The following RHOBTB2 variants were observed in gnomAD, a reference collection of about 807,000 sequenced individuals.
The protein encoded by RHOBTB2 is Rho related BTB domain containing 2, also known as rho-related BTB domain-containing protein 2.
Under a neutral mutation model 66.5 loss-of-function variants are expected in RHOBTB2, and 39 were observed. That is an observed-to-expected ratio of 0.59 (90% CI 0.45 to 0.77). RHOBTB2 has a LOEUF of 0.77. RHOBTB2 is among the 30% of genes least tolerant of loss of function. RHOBTB2 has a pLI of 0.00. For synonymous variants in RHOBTB2, 390 were observed against 395.0 expected, an observed-to-expected ratio of 0.99 and a Z score of 0.15; for missense variants, 755 against 999.1, an observed-to-expected ratio of 0.76 and a Z score of 3.29.
At position 23,006,854 on chromosome 8, in the gene RHOBTB2, C is replaced by T; in HGVS notation, c.609C>T (p.Ala203=). ...QFGIKDVFDN[A]IRAALISRRH... ...GCATCAAGGACGTCTTTGACAACGC[C>T]ATCCGAGCTGCACTCATCTCCCGCC... The change falls in exon 5 of 10, where the codon GCC becomes GCT. Residue 203 remains alanine, a synonymous_variant. Transcript: ENST00000251822. The surrounding 1 kb of genome is among the most constrained non-coding windows in gnomAD (Gnocchi z 6.1). The T allele has an allele frequency of 6.2e-7, 1 of 1,614,104 alleles. No homozygotes were observed. The highest frequency in any genetic ancestry group is 1.3e-5 in the African/African-American group (1 of 75,022).
the RHOBTB2 span, among the ~76,000 whole-genome samples, chr8:22,955,687 A>G: frequency 6.7e-6 from 1 of 148,972 alleles, no homozygotes; most frequent in Non-Finnish European, 1.5e-5. Context: ...CTCCCACCTC[A>G]GCTTCCCAAA....
chr8:22,979,680 A>C, the RHOBTB2 span, among the ~76,000 whole-genome samples: 3 of 150,058 alleles, frequency 2.0e-5, no homozygotes. Flanking sequence ...TCTTGAGCCA[A>C]ATTATGGGAA....
At chr8:22,964,174 C>A in the RHOBTB2 span, among the ~76,000 whole-genome samples, 1 of 151,902 alleles carries the variant, frequency 6.6e-6, no homozygotes, top group Non-Finnish European at 1.5e-5. Flanking sequence ...TTGCAAGAAC[C>A]GCACAGGAAA....
intron 8 of RHOBTB2, among the ~76,000 whole-genome samples, chr8:23,015,306 TGGA>T (rs1811258819): frequency 6.6e-6 from 1 of 151,972 alleles, no homozygotes; most frequent in South Asian, 2.1e-4. Flanking sequence ...ATCCCAGATG[TGGA>T]GGAGAGAGAA....
At position 23,004,509 on chromosome 8, in the gene RHOBTB2, G is replaced by A; in HGVS notation, c.75G>A (p.Val25=). The A allele has an allele frequency of 6.2e-7, 1 of 1,614,218 alleles. No homozygotes were observed. Among genetic ancestry groups the A allele is most frequent in the Non-Finnish European group, 8.5e-7 (1 of 1,180,040 alleles). Residue 25 remains valine (V), a synonymous_variant, in exon 2 of 10, where the codon GTG becomes GTA. Coordinates refer to ENST00000251822, the MANE Select transcript of RHOBTB2 (RefSeq NM_015178.3). This position sits in a 1 kb window ranked among gnomAD's most constrained non-coding sequence, Gnocchi z 6.4. ...GCGTTGTGGTGGGGGACAACGCCGT[G>A]GGTAAGACCAGGCTCATCTGTGCCC... ...IKCVVVGDNA[V]GKTRLICARA...
In RHOBTB2 at chr8:23,006,957, C is replaced by A. The variant is rs1810973576; in HGVS notation, c.712C>A (p.Pro238Thr). ...LLQAPFLPPK[P>T]PPPIIVVPDP... ...GCAGGCACCCTTCCTACCCCCCAAG[C>A]CACCGCCCCCGATCATCGTGGTGCC... The change falls in exon 5 of 10, where the codon CCA (proline) becomes ACA (threonine). Residue 238 changes from proline to threonine, a missense_variant. By Grantham distance (38) the Pro-to-Thr change is conservative. Transcript: ENST00000251822. This position sits in a 1 kb window ranked among gnomAD's most constrained non-coding sequence, Gnocchi z 6.1. 6.2e-7 allele frequency: 1 copy of A among 1,611,914 alleles called. No homozygotes were observed. The highest frequency in any genetic ancestry group is 2.2e-5 in the East Asian group (1 of 44,878).
At chr8:23,008,587 C>T (rs565077186) in intron 6 of RHOBTB2, among the ~76,000 whole-genome samples, 3 of 151,954 alleles carry the variant, frequency 2.0e-5, no homozygotes, top group Non-Finnish European at 4.4e-5. Flanking sequence ...TAGAGAGGCC[C>T]ACAGATTGCA....
intron 3 of RHOBTB2, 133 bp downstream of exon 3, chr8:23,005,608 A>G (rs1795996254): frequency 2.9e-6 from 2 of 698,682 alleles, no homozygotes; most frequent in Non-Finnish European, 5.0e-6. Flanking sequence ...GCAGAGCCTC[A>G]TGGGGGCTGG....
At chr8:22,989,186 C>T (rs542209689) in intron 1 of RHOBTB2, among the ~76,000 whole-genome samples, 2 of 152,234 alleles carry the variant, frequency 1.3e-5, no homozygotes, top group African/African-American at 4.8e-5. Context: ...CTCTCTGTGT[C>T]GCCCAGGCTG....
At chr8:22,951,089 A>G in the RHOBTB2 span, among the ~76,000 whole-genome samples, 1 of 152,064 alleles carries the variant, frequency 6.6e-6, no homozygotes, top group Non-Finnish European at 1.5e-5. Context: ...TGCCCAAATA[A>G]TTTCCTCTTA....
At chr8:22,973,657 G>A in the RHOBTB2 span, among the ~76,000 whole-genome samples, 1 of 152,172 alleles carries the variant, frequency 6.6e-6, no homozygotes, top group Non-Finnish European at 1.5e-5. Flanking sequence ...ATCACTGAAT[G>A]AATGGAGAAA....
chr8:22,979,730 T>G, the RHOBTB2 span, among the ~76,000 whole-genome samples: 12 of 137,408 alleles, frequency 8.7e-5, no homozygotes, highest in African/African-American at 3.0e-4. Flanking sequence ...TTTCTTTTCT[T>G]TTCTTTTCTT....
rs755306382 is a variant in RHOBTB2 at position 23,007,521 on chromosome 8, T to C, written c.1276T>C (p.Phe426Leu). The change falls in exon 5 of 10, where the codon TTC (phenylalanine) becomes CTC (leucine). Residue 426 changes from phenylalanine (F) to leucine (L), a missense_variant. Around this residue, in one of 7 missense-constraint regions of RHOBTB2, gnomAD observed 353 missense variants for 458.2 expected, o/e 0.77. Coordinates refer to ENST00000251822, the MANE Select transcript of RHOBTB2 (RefSeq NM_015178.3). Reference sequence around the variant, plus strand: ...GGACAGTTCCATCCAGCCGGGGCCCTTCCGGGCTGTCCTCAAGTACCTGTA... The same window carrying C: ...GGACAGTTCCATCCAGCCGGGGCCCCTCCGGGCTGTCCTCAAGTACCTGTA... ...KMDSSIQPGPFRAVLKYLYTG... is the reference protein window; with the variant it reads ...KMDSSIQPGPLRAVLKYLYTG... The C allele has an allele frequency of 1.2e-6, 2 of 1,614,048 alleles. No homozygotes were observed. The highest frequency in any genetic ancestry group is 2.2e-5 in the South Asian group (2 of 91,072).
upstream of RHOBTB2, among the ~76,000 whole-genome samples, chr8:22,997,647 C>T (rs573551546): frequency 2.5e-3 from 381 of 152,302 alleles, 2 homozygotes; most frequent in Non-Finnish European, 3.4e-3. Flanking sequence ...CCCTCTCCTG[C>T]TTCATGACTT....
At chr8:22,998,840 C>T (rs1389541343), upstream of RHOBTB2, 2 of 151,026 alleles carry the variant, frequency 1.3e-5, no homozygotes, top group African/African-American at 4.9e-5. Context: ...CTCTATTTTA[C>T]AGAGGGGTAA....
At chr8:22,958,452 A>C in the RHOBTB2 span, among the ~76,000 whole-genome samples, 1 of 152,162 alleles carries the variant, frequency 6.6e-6, no homozygotes, top group East Asian at 1.9e-4. Flanking sequence ...ATATCAAGGC[A>C]AAAAAGCTGG....
the RHOBTB2 span, among the ~76,000 whole-genome samples, chr8:22,951,385 C>T: frequency 4.0e-3 from 605 of 151,756 alleles, 13 homozygotes; most frequent in Admixed American, 0.035. Flanking sequence ...CTGAGTGTCA[C>T]GCGCATCCAT....
the RHOBTB2 span, among the ~76,000 whole-genome samples, chr8:22,981,880 G>C: frequency 1.4e-5 from 2 of 147,460 alleles, no homozygotes; most frequent in African/African-American, 5.1e-5. Flanking sequence ...GTGGCGCCTT[G>C]CTGCTGCAGC....
At chr8:22,972,583 A>C in the RHOBTB2 span, among the ~76,000 whole-genome samples, 1 of 152,152 alleles carries the variant, frequency 6.6e-6, no homozygotes, top group African/African-American at 2.4e-5. Flanking sequence ...GATCTTCCTG[A>C]GCTGCTTCTG....
Sources: gnomAD v4.1 joint callset for allele counts (sites outside exome capture counted in the v4.1 genomes callset) on GRCh38, gnomAD v4.1.1 for gene constraint, gnomAD v4.1.1 regional missense constraint, Gnocchi (gnomAD v3.1) non-coding constraint, MANE v1.5 for transcripts, NCBI Gene and HGNC (gene_info 2026-07-23, HGNC 2026-07-21) for gene names.